Variants in CLASP2 observed in about 807,000 individuals in gnomAD.
CLASP2 encodes cytoplasmic linker associated protein 2, also known as CLIP-associating protein 2.
CLASP2 carries 47 observed loss-of-function variants against 194.4 expected under a neutral mutation model. The observed-to-expected ratio is 0.24, with a 90% CI of 0.19 to 0.31. The LOEUF (loss-of-function observed/expected upper bound fraction) is 0.31, where lower values mean the gene tolerates loss of function less well. Ranked by LOEUF, CLASP2 falls within the 10% of genes least tolerant of loss-of-function variation. The pLI is 1.00. For synonymous variants in CLASP2, 619 were observed against 633.5 expected (o/e 0.98, Z 0.34); for missense variants, 1,445 against 1,823.6 (o/e 0.79, Z 3.78).
In CLASP2 at chr3:33,687,116, C is replaced by T; in HGVS notation, c.490G>A (p.Val164Ile). The T allele has an allele frequency of 6.2e-7, 1 of 1,600,210 alleles. No homozygotes were observed. Among genetic ancestry groups the T allele is most frequent in the Non-Finnish European group, 8.5e-7 (1 of 1,173,056 alleles). Residue 164 changes from valine (V) to isoleucine (I), a missense_variant, in exon 5 of 39, where the codon GTC becomes ATC. Transcript: ENST00000682230. The part of the protein sequence containing the change: ...TLNIFGAQPL[V>I]ISKLIPHLCI... ...AAATGTGGTATCAATTTGCTGATGA[C>T]TAGTGGCTGAGCCCCAAAACTAAAT...
At chr3:33,542,255 T>G (rs1186885660) in intron 32 of CLASP2, among the ~76,000 whole-genome samples, 1 of 151,348 alleles carries the variant, frequency 6.6e-6, no homozygotes, top group Non-Finnish European at 1.5e-5. Flanking sequence ...AGGACCAATC[T>G]CTCAGTCAGT....
intron 12 of CLASP2, among the ~76,000 whole-genome samples, chr3:33,618,718 T>C (rs1577285741): frequency 6.6e-6 from 1 of 152,316 alleles, no homozygotes; most frequent in South Asian, 2.1e-4. Context: ...ACATGTTCTA[T>C]ATGTGTAGCA....
chr3:33,597,738 A>ATTTCT (rs1335735921), intron 18 of CLASP2, among the ~76,000 whole-genome samples: 1 of 148,228 alleles, frequency 6.7e-6, no homozygotes, highest in Non-Finnish European at 1.5e-5. Flanking sequence ...GCATTGCTGT[A>ATTTCT]TTTCTTTTCT....
chr3:33,716,829 A>G (rs2093321471), intron 1 of CLASP2, among the ~76,000 whole-genome samples: 1 of 152,238 alleles, frequency 6.6e-6, no homozygotes, highest in African/African-American at 2.4e-5. Context: ...TCATAATTCT[A>G]GAGTTTGTCT....
At chr3:33,544,672 T>C (rs2058873223) in intron 31 of CLASP2, 26 bp downstream of exon 31, 1 of 1,597,934 alleles carries the variant, frequency 6.3e-7, no homozygotes, top group East Asian at 2.2e-5. Flanking sequence ...CATTATATGA[T>C]AGCCAAGAAA....
intron 8 of CLASP2, among the ~76,000 whole-genome samples, chr3:33,641,015 A>G (rs1365853233): frequency 6.6e-6 from 1 of 152,062 alleles, no homozygotes; most frequent in African/African-American, 2.4e-5. Flanking sequence ...GCAGTATAGC[A>G]AAGTGATTTT....
chr3:33,504,285 T>C (rs2047550221), intron 37 of CLASP2: 1 of 152,232 alleles, frequency 6.6e-6, no homozygotes. Flanking sequence ...CATAAAGATT[T>C]ATCGCTATGT....
chr3:33,510,826 A>T, intron 36 of CLASP2, 62 bp from the exon 37 acceptor site: 1 of 1,368,388 alleles, frequency 7.3e-7, no homozygotes, highest in East Asian at 2.5e-5. Flanking sequence ...ACATCCTGGA[A>T]GTATAAACTT....
intron 27 of CLASP2, among the ~76,000 whole-genome samples, chr3:33,564,617 G>A (rs1312866389): frequency 6.6e-6 from 1 of 152,102 alleles, no homozygotes; most frequent in Non-Finnish European, 1.5e-5. Context: ...TTGAGACAGA[G>A]TCTCACTCTG....
chr3:33,557,843 G>A (rs1576408951), intron 29 of CLASP2, among the ~76,000 whole-genome samples: 1 of 152,100 alleles, frequency 6.6e-6, no homozygotes, highest in Admixed American at 6.5e-5. Flanking sequence ...AAAATAAAAC[G>A]GCCTATGCCA....
chr3:33,579,075 T>A (rs1391379481), intron 23 of CLASP2, among the ~76,000 whole-genome samples: 1 of 152,150 alleles, frequency 6.6e-6, no homozygotes, highest in African/African-American at 2.4e-5. Context: ...AATGCTACCT[T>A]TCATCCCTGC....
intron 10 of CLASP2, among the ~76,000 whole-genome samples, chr3:33,626,625 T>A (rs2078101082): frequency 6.6e-6 from 1 of 152,062 alleles, no homozygotes; most frequent in Non-Finnish European, 1.5e-5. Context: ...GCAGGTAAAG[T>A]GAACTGCTTT....
At position 33,574,318 on chromosome 3, in the gene CLASP2, ATC is replaced by A. The variant is rs367731795; in HGVS notation, c.2455-966_2455-965del. ...CTCCAGAGGACATTATTCAAGCAGT[ATC>A]TCTCTCGATAACCATATTTACAGAA... On this transcript the variant is annotated intron_variant, in intron 24 of 38. Transcript: ENST00000682230. Among the ~76,000 whole-genome samples, 669 of 152,278 alleles carry A rather than the reference ATC, an allele frequency of 4.4e-3. 3 individuals carry two copies. Among genetic ancestry groups the A allele is most frequent in the Middle Eastern group, 6.8e-3 (2 of 294 alleles).
intron 13 of CLASP2, among the ~76,000 whole-genome samples, chr3:33,611,364 C>T (rs1156777168): frequency 6.6e-6 from 1 of 152,142 alleles, no homozygotes; most frequent in African/African-American, 2.4e-5. Flanking sequence ...CCTTTACCTC[C>T]CTGAATACGC....
chr3:33,689,505 C>T (rs2091098644), intron 3 of CLASP2, among the ~76,000 whole-genome samples: 2 of 151,920 alleles, frequency 1.3e-5, no homozygotes, highest in Admixed American at 1.3e-4. Flanking sequence ...ATTCAGTGTT[C>T]TCAAAATAAG....
chr3:33,698,953 G>A (rs987475127), intron 1 of CLASP2, among the ~76,000 whole-genome samples: 1 of 152,208 alleles, frequency 6.6e-6, no homozygotes, highest in Admixed American at 6.5e-5. Context: ...TGTGATTAAT[G>A]TAGTAAATGT....
chr3:33,637,293 A>G (rs1480870235), intron 8 of CLASP2, among the ~76,000 whole-genome samples: 1 of 152,196 alleles, frequency 6.6e-6, no homozygotes, highest in African/African-American at 2.4e-5. Context: ...GCACTTTGGA[A>G]GGCCAAGGCA....
chr3:33,655,548 T>C (rs1449018221), intron 7 of CLASP2, among the ~76,000 whole-genome samples: 12 of 152,148 alleles, frequency 7.9e-5, no homozygotes, highest in Admixed American at 5.2e-4. Flanking sequence ...CTTATAGACT[T>C]CTTTTCCCTC....
chr3:33,709,285 T>C (rs1288513789), intron 1 of CLASP2, among the ~76,000 whole-genome samples: 2 of 152,230 alleles, frequency 1.3e-5, no homozygotes, highest in African/African-American at 4.8e-5. Context: ...TTGTGTACGG[T>C]GTAAAATAAT....
Sources: allele counts gnomAD v4.1 joint callset (sites outside exome capture counted in the v4.1 genomes callset), GRCh38; gene constraint gnomAD v4.1.1; transcripts MANE v1.5; gene names NCBI Gene and HGNC (gene_info 2026-07-23, HGNC 2026-07-21).